The following CFAP54 variants were observed in gnomAD, a reference collection of about 807,000 sequenced individuals.
CFAP54 encodes cilia- and flagella-associated protein 54.
CFAP54 carries 290 observed loss-of-function variants against 370.4 expected under a neutral mutation model. The ratio of observed to expected loss-of-function variants is 0.78; its 90% confidence interval spans 0.71 to 0.86. CFAP54 has a LOEUF of 0.86. CFAP54 is among the 40% of genes least tolerant of loss of function. The probability of loss-of-function intolerance (pLI) is 0.00; values close to 1 mark genes in which losing one functional copy is unlikely to be tolerated. For missense variants in CFAP54, 3,399 were observed against 3,528.7 expected, an observed-to-expected ratio of 0.96 and a Z score of 0.93; for synonymous variants, 1,206 against 1,236.5, an observed-to-expected ratio of 0.98 and a Z score of 0.52.
chr12:96,542,338 C>T (rs1011698743), intron 14 of CFAP54, among the ~76,000 whole-genome samples: 9 of 152,212 alleles, frequency 5.9e-5, no homozygotes, highest in African/African-American at 2.2e-4. Flanking sequence ...TTATTAGCTT[C>T]TCAGGTGAAT....
intron 2 of CFAP54, among the ~76,000 whole-genome samples, chr12:96,503,219 C>A (rs956028671): frequency 8.2e-5 from 11 of 133,456 alleles, no homozygotes; most frequent in Admixed American, 2.4e-4. Context: ...CTTTCCTTTC[C>A]TTTTTTTTCC....
chr12:96,823,861 C>T (rs1331761646), intron 65 of CFAP54, among the ~76,000 whole-genome samples: 1 of 152,108 alleles, frequency 6.6e-6, no homozygotes, highest in African/African-American at 2.4e-5. Flanking sequence ...TCATGATCCA[C>T]CCTATGATTT....
At chr12:96,686,033 A>G (rs1453454969) in intron 42 of CFAP54, among the ~76,000 whole-genome samples, 2 of 152,334 alleles carry the variant, frequency 1.3e-5, no homozygotes, top group Admixed American at 6.5e-5. Flanking sequence ...GGTAAAAATT[A>G]CATGCTATAC....
intron 19 of CFAP54, among the ~76,000 whole-genome samples, chr12:96,565,905 G>A (rs1955861328): frequency 6.6e-6 from 1 of 152,186 alleles, no homozygotes; most frequent in Non-Finnish European, 1.5e-5. Flanking sequence ...GGAGGGACGA[G>A]GTGGAGATAA....
chr12:96,500,817 T>G lies in CFAP54; in HGVS notation c.318-17T>G. ...TGCAGACTTTGACAATGTCGTTTTA[T>G]TTTATGATTTTTACAGTGCCACTTC... On this transcript the variant is annotated splice_polypyrimidine_tract_variant and intron_variant, in intron 1 of 67. Transcript: ENST00000524981. The G allele has an allele frequency of 6.7e-7, 1 of 1,499,100 alleles. No individual in the cohort carries two copies. Among genetic ancestry groups the G allele is most frequent in the Non-Finnish European group, 8.9e-7 (1 of 1,124,310 alleles). The allele number at this position is 1,499,100 out of a possible 1,614,324, so 92.9% of individuals were successfully genotyped here.
At chr12:96,556,228 T>C (rs1955749778) in intron 17 of CFAP54, among the ~76,000 whole-genome samples, 3 of 151,840 alleles carry the variant, frequency 2.0e-5, no homozygotes, top group Non-Finnish European at 4.4e-5. Flanking sequence ...CAAAAAGTGC[T>C]GATCCTAAAA....
Position 96,742,553 on chromosome 12 carries a change from G to A in CFAP54, c.7186G>A (p.Val2396Ile). ...RCRLALVTAF[V>I]AQIHGIGIVK... is the part of the protein sequence containing the mutation. ...CCGCTTAGCATTGGTGACTGCATTT[G>A]TTGCACAGATTCATGGCATTGGAAT... The change falls in exon 52 of 68, where the codon GTT becomes ATT. Residue 2396 changes from valine (V) to isoleucine (I), a missense_variant. This residue lies in a region of CFAP54 where 2,796 missense variants were observed against 2,869.7 expected (regional missense o/e 0.97). Coordinates refer to ENST00000524981, the MANE Select transcript of CFAP54 (RefSeq NM_001306084.2). 1.2e-6 allele frequency: 2 copies of A among 1,613,130 alleles called. No homozygotes were observed. Among genetic ancestry groups the A allele is most frequent in the South Asian group, 2.2e-5 (2 of 90,912 alleles).
chr12:96,871,077 G>A (rs1960148925), intron 67 of CFAP54, among the ~76,000 whole-genome samples: 1 of 152,198 alleles, frequency 6.6e-6, no homozygotes, highest in Admixed American at 6.5e-5. Flanking sequence ...GTTTCAACAA[G>A]GAGGGAGACA....
At chr12:96,874,249 C>G (rs1026461953) in intron 67 of CFAP54, among the ~76,000 whole-genome samples, 1 of 152,164 alleles carries the variant, frequency 6.6e-6, no homozygotes, top group East Asian at 1.9e-4. Flanking sequence ...TGGAATTGAT[C>G]TCAATTCCAC....
chr12:96,657,618 C>T (rs1261660058), intron 36 of CFAP54, among the ~76,000 whole-genome samples: 2 of 152,260 alleles, frequency 1.3e-5, no homozygotes, highest in East Asian at 3.9e-4. Flanking sequence ...AATCACATTT[C>T]AAAAGCTTGG....
Position 96,527,376 on chromosome 12 carries a change from T to A in CFAP54, c.1289T>A (p.Val430Asp). 6.5e-7 allele frequency: 1 copy of A among 1,535,176 alleles called. No homozygotes were observed. The highest frequency in any genetic ancestry group is 8.7e-7 in the Non-Finnish European group (1 of 1,146,382). The change falls in exon 9 of 68, where the codon GTT becomes GAT. Residue 430 changes from valine (V) to aspartate (D), a missense_variant. Val to Asp is a radical substitution (Grantham distance 152). Coordinates refer to ENST00000524981, the MANE Select transcript of CFAP54 (RefSeq NM_001306084.2). ...CGAATACTGCAAACTGGACCCATTG[T>A]TACAGATGAAGTGGAGATTCATGAT... ...NRRILQTGPI[V>D]TDEVEIHDVV...
chr12:96,563,120 T>C (rs1231967253), intron 17 of CFAP54, among the ~76,000 whole-genome samples: 1 of 152,208 alleles, frequency 6.6e-6, no homozygotes, highest in African/African-American at 2.4e-5. Flanking sequence ...TTTTTTAAAC[T>C]CATGGAGTTC....
At chr12:96,596,245 T>C (rs181240756) in intron 25 of CFAP54, among the ~76,000 whole-genome samples, 113 of 152,304 alleles carry the variant, frequency 7.4e-4, no homozygotes, top group South Asian at 2.1e-3. Context: ...CTCAATTGGC[T>C]GAGTTTACGG....
intron 22 of CFAP54, among the ~76,000 whole-genome samples, chr12:96,583,287 G>A (rs576317996): frequency 6.6e-6 from 1 of 151,656 alleles, no homozygotes; most frequent in Non-Finnish European, 1.5e-5. Context: ...ATTCCTCCTC[G>A]TTAAGTAGAA....
At chr12:96,773,850 A>G (rs1592753911) in intron 60 of CFAP54, among the ~76,000 whole-genome samples, 1 of 152,184 alleles carries the variant, frequency 6.6e-6, no homozygotes, top group Admixed American at 6.5e-5. Context: ...ATAGGCTAGT[A>G]TATCTATTGG....
At chr12:96,500,391 T>C (rs973065318) in intron 1 of CFAP54, among the ~76,000 whole-genome samples, 1 of 152,166 alleles carries the variant, frequency 6.6e-6, no homozygotes, top group African/African-American at 2.4e-5. Flanking sequence ...TTATATACAT[T>C]TGTCCAAACT....
intron 66 of CFAP54, among the ~76,000 whole-genome samples, chr12:96,835,968 T>A (rs941869049): frequency 6.6e-6 from 1 of 151,976 alleles, no homozygotes; most frequent in African/African-American, 2.4e-5. Context: ...AAATTACCTG[T>A]CTAGGGGAGA....
chr12:96,685,765 TG>T (rs1397021426), intron 42 of CFAP54, among the ~76,000 whole-genome samples: 1 of 152,176 alleles, frequency 6.6e-6, no homozygotes, highest in Non-Finnish European at 1.5e-5. Context: ...TTGGCCAGGC[TG>T]GTCTGGAACT....
At chr12:96,826,895 ATAT>A (rs1565993851) in intron 65 of CFAP54, among the ~76,000 whole-genome samples, 1 of 120,210 alleles carries the variant, frequency 8.3e-6, no homozygotes, top group East Asian at 2.2e-4. Context: ...ATATTATATG[ATAT>A]ATTATATATG....
Sources: gnomAD v4.1 joint callset for allele counts (sites outside exome capture counted in the v4.1 genomes callset) on GRCh38, gnomAD v4.1.1 for gene constraint, gnomAD v4.1.1 regional missense constraint, MANE v1.5 for transcripts, NCBI Gene and HGNC (gene_info 2026-07-23, HGNC 2026-07-21) for gene names.